The following LCP2 variants were observed in gnomAD, a reference collection of about 807,000 sequenced individuals.
LCP2 encodes the protein lymphocyte cytosolic protein 2.
A neutral mutation model predicts 74.5 loss-of-function variants in LCP2; 29 were observed. That is an observed-to-expected ratio of 0.39 (90% CI 0.29 to 0.53). LCP2 has a LOEUF of 0.53. Among genes scored for constraint, LCP2 ranks in the 20% least tolerant of loss-of-function variants. LCP2 has a pLI of 0.72. For synonymous variants in LCP2, 228 were observed against 229.5 expected (o/e 0.99, Z 0.06); for missense variants, 604 against 634.6 (o/e 0.95, Z 0.52).
intron 14 of LCP2, among the ~76,000 whole-genome samples, chr5:170,259,732 G>A (rs1294925284): frequency 6.6e-6 from 1 of 152,174 alleles, no homozygotes; most frequent in Non-Finnish European, 1.5e-5. Flanking sequence ...ACTGAGAGAA[G>A]GCGAAAAAGG....
intron 20 of LCP2, among the ~76,000 whole-genome samples, chr5:170,249,543 TAATAGTGTTAGGA>T (rs1761383838): frequency 6.6e-6 from 1 of 152,038 alleles, no homozygotes. Flanking sequence ...CCCCAGTCAT[TAATAGTGTTAGGA>T]AACATAAGGA....
At chr5:170,267,169 T>C in intron 8 of LCP2, 94 bp from the exon 9 acceptor site, 1 of 1,218,312 alleles carries the variant, frequency 8.2e-7, no homozygotes, top group Non-Finnish European at 1.2e-6. Flanking sequence ...CTTTTCCTCA[T>C]CTTCATGTTC....
At chr5:170,264,503 T>C (rs1761713444) in intron 10 of LCP2, among the ~76,000 whole-genome samples, 1 of 152,244 alleles carries the variant, frequency 6.6e-6, no homozygotes, top group Non-Finnish European at 1.5e-5. Flanking sequence ...GATAAGAATA[T>C]TGCCTCACTG....
chr5:170,284,465 T>C (rs1347257435), intron 3 of LCP2, among the ~76,000 whole-genome samples: 1 of 152,172 alleles, frequency 6.6e-6, no homozygotes, highest in East Asian at 1.9e-4. Flanking sequence ...TCTTTTTTTT[T>C]TTTTCTGACT....
chr5:170,287,677 A>T (rs1762206057), intron 3 of LCP2: 2 of 444,394 alleles, frequency 4.5e-6, no homozygotes, highest in Non-Finnish European at 8.3e-6. Flanking sequence ...CACTGATGCT[A>T]TTTTCACAGG....
rs1421543306 is a variant in LCP2, at chr5:170,256,453, T to C, written c.1150+73A>G. ...AACAATAAAACCTTTGTCGAAAGCT[T>C]TTGGGACAGGTTAGGGATCCAGTCA... On this transcript the variant is annotated intron_variant, in intron 17 of 20. Coordinates refer to ENST00000046794, the MANE Select transcript of LCP2 (RefSeq NM_005565.5). This position sits in a 1 kb window ranked among gnomAD's most constrained non-coding sequence, Gnocchi z 4.5. 2 of 1,206,794 alleles carry C rather than the reference T, an allele frequency of 1.7e-6. No individual in the cohort carries two copies. The highest frequency in any genetic ancestry group is 2.5e-6 in the Non-Finnish European group (2 of 811,476). The allele number at this position is 1,206,794 out of a possible 1,614,324, so 74.8% of individuals were successfully genotyped here.
At position 170,273,094 on chromosome 5, in the gene LCP2, A is replaced by G. The variant is rs543383364; in HGVS notation, c.324+1207T>C. 1.8e-3 allele frequency among the ~76,000 whole-genome samples: 271 copies of G among 151,524 alleles called. 2 individuals carry two copies. Among genetic ancestry groups the G allele is most frequent in the African/African-American group, 6.1e-3 (254 of 41,372 alleles). ...TCAGTTTACCTTTTTAAAATGGGGT[A>G]TCCATACTGTAAAATGCTTATGATT... On this transcript the variant is annotated intron_variant, in intron 6 of 20. Coordinates refer to ENST00000046794, the MANE Select transcript of LCP2 (RefSeq NM_005565.5).
chr5:170,258,117 G>A lies in LCP2; in HGVS notation c.1020C>T (p.Asn340=), dbSNP rs373164419. The change falls in exon 16 of 21, where the codon AAC becomes AAT. Residue 340 remains asparagine, a synonymous_variant. Coordinates refer to ENST00000046794, the MANE Select transcript of LCP2 (RefSeq NM_005565.5). ...PQPALLPMSS[N]TFPSRSTKPS... ...GCTTAGTAGATCTTGAAGGGAAAGT[G>A]TTGGAGCTCATAGGAAGTAGTGCTG... The A allele has an allele frequency of 6.8e-5, 110 of 1,613,666 alleles. No individual in the cohort carries two copies. The highest frequency in any genetic ancestry group is 9.2e-5 in the Non-Finnish European group (108 of 1,179,674).
chr5:170,284,456 CTTT>C (rs35804432), intron 3 of LCP2, among the ~76,000 whole-genome samples: 22 of 145,770 alleles, frequency 1.5e-4, no homozygotes, highest in African/African-American at 5.5e-4. Context: ...TGTAATATGT[CTTT>C]TTTTTTTTTT....
intron 20 of LCP2, among the ~76,000 whole-genome samples, 189 bp downstream of exon 20, chr5:170,250,540 GA>G (rs1229701070): frequency 6.6e-6 from 1 of 152,188 alleles, no homozygotes; most frequent in African/African-American, 2.4e-5. Flanking sequence ...ATACAAGAAA[GA>G]ATCCTATGGC....
In LCP2 at chr5:170,266,971, G is replaced by A. The variant is rs981533652; in HGVS notation, c.688+38C>T. ...TTGGGCGGGGCTAGGGGAGTGCCTG[G>A]TGGGAACAGGGCAAGAGAGAGCAGC... is the stretch of plus-strand genomic sequence containing the variant. On this transcript the variant is annotated intron_variant, in intron 9 of 20. Coordinates refer to ENST00000046794, the MANE Select transcript of LCP2 (RefSeq NM_005565.5). 1.9e-6 allele frequency: 3 copies of A among 1,612,796 alleles called. No individual in the cohort carries two copies. In the African/African-American group the frequency reaches 4.0e-5, roughly 22 times the overall value.
chr5:170,258,177 G>A lies in LCP2; in HGVS notation c.971-11C>T. On this transcript the variant is annotated splice_polypyrimidine_tract_variant and intron_variant, in intron 15 of 20. Coordinates refer to ENST00000046794, the MANE Select transcript of LCP2 (RefSeq NM_005565.5). ...AAGGTCTCTGATGCACTGTGCAGAA[G>A]TAGAAAACAATGAATGAGATTGGCA... The A allele has an allele frequency of 6.2e-7, 1 of 1,613,630 alleles. No individual in the cohort carries two copies. Among genetic ancestry groups the A allele is most frequent in the African/African-American group, 1.3e-5 (1 of 75,018 alleles).
chr5:170,256,457 G>A lies in LCP2; in HGVS notation c.1150+69C>T. 1.6e-6 allele frequency: 2 copies of A among 1,222,902 alleles called. No homozygotes were observed. Among genetic ancestry groups the A allele is most frequent in the South Asian group, 2.4e-5 (2 of 82,326 alleles). The allele number at this position is 1,222,902 out of a possible 1,614,324, so 75.8% of individuals were successfully genotyped here. ...ATAAAACCTTTGTCGAAAGCTTTTG[G>A]GACAGGTTAGGGATCCAGTCATAAA... is the stretch of plus-strand genomic sequence containing the variant. On this transcript the variant is annotated intron_variant, in intron 17 of 20. Transcript: ENST00000046794. This position sits in a 1 kb window ranked among gnomAD's most constrained non-coding sequence, Gnocchi z 4.5.
rs555033588 is a variant in LCP2, at chr5:170,280,259, C to T, written c.189-4399G>A. ...CCCTCCTGGGACAAGGCTCCCGGCT[C>T]CTGGGTAGGGCAGATGCCTCTCCCC... On this transcript the variant is annotated intron_variant, in intron 3 of 20. Transcript: ENST00000046794. Among the ~76,000 whole-genome samples, 12 of 152,110 alleles carry T rather than the reference C, an allele frequency of 7.9e-5. No homozygotes were observed. The East Asian group carries it at 2.1e-3, about 27-fold the overall frequency.
intron 3 of LCP2, among the ~76,000 whole-genome samples, chr5:170,287,091 G>A (rs767258228): frequency 1.3e-5 from 2 of 152,198 alleles, no homozygotes; most frequent in Non-Finnish European, 2.9e-5. Flanking sequence ...GAGCTGAGGA[G>A]CTGCTGCACT....
Position 170,293,387 on chromosome 5 carries a change from G to C in LCP2, c.79-15C>G. On this transcript the variant is annotated splice_polypyrimidine_tract_variant and intron_variant, in intron 1 of 20. Transcript: ENST00000046794. ...TTATAGTTGAGCTGCAAAGAGAAGG[G>C]GAAGGTGTTGTTAGTGACGGGCAGT... 2 of 1,580,738 alleles carry C rather than the reference G, an allele frequency of 1.3e-6. No individual in the cohort carries two copies. The highest frequency in any genetic ancestry group is 8.6e-7 in the Non-Finnish European group (1 of 1,162,414).
At chr5:170,282,522 T>C (rs1762122363) in intron 3 of LCP2, among the ~76,000 whole-genome samples, 3 of 152,160 alleles carry the variant, frequency 2.0e-5, no homozygotes. Flanking sequence ...AAAGTCAGCT[T>C]TAGAGCCTGG....
intron 3 of LCP2, among the ~76,000 whole-genome samples, chr5:170,285,829 C>G (rs1021435977): frequency 5.9e-5 from 9 of 152,194 alleles, no homozygotes; most frequent in African/African-American, 2.2e-4. Flanking sequence ...AGAATGCTCT[C>G]TCTATGCAGC....
intron 6 of LCP2, chr5:170,273,702 A>ATCT: frequency 6.5e-6 from 1 of 154,704 alleles, no homozygotes; most frequent in Admixed American, 6.3e-5. Flanking sequence ...GACTGTGTAT[A>ATCT]CAGGTTCCTG....
Sources: allele counts gnomAD v4.1 joint callset (sites outside exome capture counted in the v4.1 genomes callset), GRCh38; gene constraint gnomAD v4.1.1; non-coding constraint Gnocchi (gnomAD v3.1); transcripts MANE v1.5; gene names NCBI Gene and HGNC (gene_info 2026-07-23, HGNC 2026-07-21).